Variants in GRM5 observed in about 807,000 individuals in gnomAD.
GRM5 encodes the protein glutamate metabotropic receptor 5.
Under a neutral mutation model 83.1 loss-of-function variants are expected in GRM5, and 19 were observed. The observed-to-expected ratio is 0.23, with a 90% confidence interval of 0.16 to 0.34. The LOEUF is 0.34. Among genes scored for constraint, GRM5 ranks in the 10% least tolerant of loss-of-function variants. The pLI is 1.00. For synonymous variants in GRM5, 675 were observed against 633.6 expected (o/e 1.07, Z -0.98); for missense variants, 1,160 against 1,588.3 (o/e 0.73, Z 4.58).
chr11:88,821,157 A>G (rs540171297), intron 3 of GRM5, among the ~76,000 whole-genome samples: 4 of 152,212 alleles, frequency 2.6e-5, no homozygotes, highest in Admixed American at 2.0e-4. Context: ...ATAATTAACT[A>G]TCTGTCCTGA....
At chr11:89,054,720 AG>A (rs1941835434) in intron 1 of GRM5, among the ~76,000 whole-genome samples, 1 of 116,738 alleles carries the variant, frequency 8.6e-6, no homozygotes, top group African/African-American at 4.2e-5. Context: ...TGAAGTGAGG[AG>A]AGAGAAGCAG....
At chr11:88,552,737 G>C (rs1392787402) in intron 8 of GRM5, among the ~76,000 whole-genome samples, 1 of 152,120 alleles carries the variant, frequency 6.6e-6, no homozygotes, top group Non-Finnish European at 1.5e-5. Context: ...TTCTTCTCTA[G>C]CATTACTGAG....
At chr11:88,997,254 G>C (rs1028902300) in intron 2 of GRM5, among the ~76,000 whole-genome samples, 1 of 150,348 alleles carries the variant, frequency 6.7e-6, no homozygotes, top group Admixed American at 6.6e-5. Context: ...TTGAACCCAA[G>C]AGGCGGAGGT....
chr11:88,517,877 C>G (rs761782387), intron 9 of GRM5, among the ~76,000 whole-genome samples: 1 of 152,000 alleles, frequency 6.6e-6, no homozygotes, highest in Non-Finnish European at 1.5e-5. Context: ...ACTGAATTAT[C>G]TACAAAAACT....
chr11:89,047,346 C>T lies in GRM5; in HGVS notation c.527G>A (p.Ser176Asn). ...CAGAGTCTTGTCACTCAGATCCATG[C>T]TGGTTGCTGAGTAAGCAATCTGAGG... is the stretch of plus-strand genomic sequence containing the variant. The part of the protein sequence containing the change: ...NIPQIAYSAT[S>N]MDLSDKTLFK... Residue 176 changes from serine (S) to asparagine (N), a missense_variant, in exon 2 of 10, where the codon AGC (serine) becomes AAC (asparagine). This residue lies in a region of GRM5 where 84 missense variants were observed against 231.0 expected (regional missense o/e 0.36). Coordinates refer to ENST00000305447, the MANE Select transcript of GRM5 (RefSeq NM_001143831.3). This position sits in a 1 kb window ranked among gnomAD's most constrained non-coding sequence, Gnocchi z 5.1. The T allele has an allele frequency of 6.2e-7, 1 of 1,614,110 alleles. No homozygotes were observed. Among genetic ancestry groups the T allele is most frequent in the Non-Finnish European group, 8.5e-7 (1 of 1,179,966 alleles).
intron 2 of GRM5, chr11:88,912,055 A>G: frequency 2.1e-6 from 1 of 468,188 alleles, no homozygotes; most frequent in Non-Finnish European, 4.4e-6. Flanking sequence ...ACAATACTGT[A>G]AGTATTGGCG....
At chr11:88,855,946 A>G (rs1944467660) in intron 2 of GRM5, among the ~76,000 whole-genome samples, 1 of 151,938 alleles carries the variant, frequency 6.6e-6, no homozygotes, top group Non-Finnish European at 1.5e-5. Context: ...GAGTAAATAC[A>G]TTTTTCTAAG....
In GRM5 at chr11:88,535,749, T is replaced by C. The variant is rs78726411; in HGVS notation, c.2631-10345A>G. On this transcript the variant is annotated intron_variant, in intron 8 of 9. Transcript: ENST00000305447. ...TAGGTTTGACTGTTTATAAATACTG[T>C]GTGTGTCTCTCTGTGTGTGTACACA... 3.3e-5 allele frequency among the ~76,000 whole-genome samples: 5 copies of C among 152,320 alleles called. No homozygotes were observed. In the East Asian group the frequency reaches 5.8e-4, roughly 18 times the overall value.
intron 2 of GRM5, among the ~76,000 whole-genome samples, chr11:88,984,331 C>T (rs1049434999): frequency 1.6e-4 from 25 of 152,078 alleles, no homozygotes; most frequent in Admixed American, 1.6e-3. Flanking sequence ...TATGTAAACA[C>T]TTATCATTTT....
intron 3 of GRM5, among the ~76,000 whole-genome samples, chr11:88,804,886 G>A (rs1044489876): frequency 6.6e-6 from 1 of 152,058 alleles, no homozygotes; most frequent in Non-Finnish European, 1.5e-5. Flanking sequence ...ACCTTATTAG[G>A]TGATAGTTAC....
At chr11:88,710,372 C>T (rs768570030) in intron 3 of GRM5, among the ~76,000 whole-genome samples, 62 of 152,112 alleles carry the variant, frequency 4.1e-4, no homozygotes, top group Non-Finnish European at 5.3e-4. Context: ...CTTTGTTGAG[C>T]AGCATGCAGA....
At chr11:88,525,192 T>C (rs1344766117) in intron 9 of GRM5, 117 bp downstream of exon 9, 1 of 687,606 alleles carries the variant, frequency 1.5e-6, no homozygotes, top group East Asian at 2.5e-5. Flanking sequence ...GTAGCCTGGG[T>C]TGGACACACT....
intron 2 of GRM5, among the ~76,000 whole-genome samples, chr11:89,014,128 G>A (rs1940785803): frequency 6.6e-6 from 1 of 152,018 alleles, no homozygotes; most frequent in African/African-American, 2.4e-5. Context: ...ACATATATAT[G>A]TTTGTGCATG....
chr11:88,528,116 A>C (rs1307201694), intron 8 of GRM5, among the ~76,000 whole-genome samples: 1 of 139,338 alleles, frequency 7.2e-6, no homozygotes, highest in African/African-American at 2.6e-5. Flanking sequence ...AAAACAAAAA[A>C]CAAAAACAAA....
intron 1 of GRM5, among the ~76,000 whole-genome samples, chr11:89,064,166 C>T (rs1003668390): frequency 9.9e-5 from 15 of 152,284 alleles, no homozygotes; most frequent in African/African-American, 3.4e-4. Context: ...TCTTGCTGCC[C>T]TGACTACCTA....
At position 88,505,795 on chromosome 11, in the gene GRM5, C is replaced by A. The variant is rs183817599; in HGVS notation, c.*2797G>T. On this transcript the variant is annotated 3_prime_UTR_variant, in exon 10 of 10. Transcript: ENST00000305447. Reference sequence around the variant, plus strand: ...CCCTTCCTTTTAGTCATGCTGGTCCCGACTGAATTATCACTGGGCACCAGG... The same window carrying A: ...CCCTTCCTTTTAGTCATGCTGGTCCAGACTGAATTATCACTGGGCACCAGG... 2.7e-4 allele frequency: 41 copies of A among 152,220 alleles called. No individual in the cohort carries two copies. Among genetic ancestry groups the A allele is most frequent in the African/African-American group, 9.4e-4 (39 of 41,536 alleles). The allele number at this position is 152,220 out of a possible 1,614,324, so 9.4% of individuals were successfully genotyped here. A position where few individuals can be genotyped will look rare whatever the true frequency, so the allele number is the denominator to read the frequency against.
intron 2 of GRM5, among the ~76,000 whole-genome samples, chr11:88,908,849 T>G (rs1322793440): frequency 6.6e-6 from 1 of 152,154 alleles, no homozygotes; most frequent in African/African-American, 2.4e-5. Context: ...TGAGTCACAT[T>G]TACAAAGTGT....
intron 3 of GRM5, among the ~76,000 whole-genome samples, chr11:88,731,523 G>C (rs2135406979): frequency 6.6e-6 from 1 of 152,068 alleles, no homozygotes; most frequent in Non-Finnish European, 1.5e-5. Context: ...ATGTTTAATG[G>C]AAGAAAGTGA....
chr11:88,742,428 T>C lies in GRM5; in HGVS notation c.912-89025A>G, dbSNP rs148833375. Among the ~76,000 whole-genome samples, 151 of 152,236 alleles carry C rather than the reference T, an allele frequency of 9.9e-4. 1 individual carries two copies. In the East Asian group the frequency reaches 0.012, roughly 12 times the overall value. On this transcript the variant is annotated intron_variant, in intron 3 of 9. Transcript: ENST00000305447. ...ACGGTAGGAAATTTACATTAATGGC[T>C]AGAGATGATAACACTAGGGAGTGGA...
Sources: allele counts gnomAD v4.1 joint callset (sites outside exome capture counted in the v4.1 genomes callset), GRCh38; gene constraint gnomAD v4.1.1; regional missense constraint gnomAD v4.1.1; non-coding constraint Gnocchi (gnomAD v3.1); transcripts MANE v1.5; gene names NCBI Gene and HGNC (gene_info 2026-07-23, HGNC 2026-07-21).